Variants in TENM3 observed in about 807,000 individuals in gnomAD.
The protein encoded by TENM3 is teneurin transmembrane protein 3, also known as teneurin-3.
Under a neutral mutation model 255.1 loss-of-function variants are expected in TENM3, and 63 were observed. The observed-to-expected ratio is 0.25, with a 90% confidence interval of 0.20 to 0.30. TENM3 has a LOEUF of 0.30. Ranked by LOEUF, TENM3 falls within the 10% of genes least tolerant of loss-of-function variation. TENM3 has a pLI of 1.00. For missense variants in TENM3, 2,929 were observed against 3,461.1 expected, an observed-to-expected ratio of 0.85 and a Z score of 3.86; for synonymous variants, 1,306 against 1,322.3, an observed-to-expected ratio of 0.99 and a Z score of 0.27.
intron 3 of TENM3, among the ~76,000 whole-genome samples, chr4:182,463,472 CTT>C (rs920859225): frequency 6.9e-6 from 1 of 145,512 alleles, no homozygotes; most frequent in Non-Finnish European, 1.5e-5. Flanking sequence ...TGTAGTATCA[CTT>C]TTTTTTTTTT....
chr4:181,494,873 G>C, the TENM3 span, among the ~76,000 whole-genome samples: 44 of 152,040 alleles, frequency 2.9e-4, no homozygotes, highest in African/African-American at 1.0e-3. Context: ...AAGATGTCGT[G>C]AATACTTCAT....
At chr4:182,296,197 A>T (rs143688320) in intron 1 of TENM3, among the ~76,000 whole-genome samples, 3,251 of 152,264 alleles carry the variant, frequency 0.021, 70 homozygotes, top group Admixed American at 0.064. Flanking sequence ...TCCCGACCTC[A>T]GATGATTCGC....
chr4:181,656,513 A>G, the TENM3 span, among the ~76,000 whole-genome samples: 5 of 152,200 alleles, frequency 3.3e-5, no homozygotes, highest in Non-Finnish European at 7.3e-5. Flanking sequence ...TGACATTCAG[A>G]ACACAGGAGA....
At chr4:181,695,925 C>T in the TENM3 span, among the ~76,000 whole-genome samples, 1 of 144,784 alleles carries the variant, frequency 6.9e-6, no homozygotes, top group African/African-American at 2.5e-5. Context: ...AGAGGAAAGA[C>T]TTTTTTTTTT....
At chr4:181,801,968 T>C in the TENM3 span, among the ~76,000 whole-genome samples, 1 of 152,152 alleles carries the variant, frequency 6.6e-6, no homozygotes, top group Non-Finnish European at 1.5e-5. Context: ...AGATTTTTTT[T>C]AAAATGTACC....
intron 3 of TENM3, among the ~76,000 whole-genome samples, chr4:182,474,449 T>TCTTA (rs918581609): frequency 6.6e-6 from 1 of 152,144 alleles, no homozygotes; most frequent in Non-Finnish European, 1.5e-5. Context: ...AGAAACTGTC[T>TCTTA]CTTATATTTT....
At chr4:181,723,748 A>C in the TENM3 span, among the ~76,000 whole-genome samples, 1 of 152,104 alleles carries the variant, frequency 6.6e-6, no homozygotes, top group African/African-American at 2.4e-5. Flanking sequence ...TGGGCAGAGA[A>C]CTAAGTGGAT....
At chr4:182,118,584 C>T in the TENM3 span, among the ~76,000 whole-genome samples, 4 of 124,328 alleles carry the variant, frequency 3.2e-5, no homozygotes, top group Non-Finnish European at 6.9e-5. Context: ...TGTGCCAGCT[C>T]CCCCCTCCAC....
the TENM3 span, among the ~76,000 whole-genome samples, chr4:181,523,623 C>A: frequency 6.6e-6 from 1 of 152,130 alleles, no homozygotes; most frequent in Non-Finnish European, 1.5e-5. Context: ...ACTTCTGGAA[C>A]TTGATTTACC....
intron 6 of TENM3, among the ~76,000 whole-genome samples, chr4:182,659,909 G>A (rs550475908): frequency 1.4e-4 from 21 of 152,120 alleles, no homozygotes; most frequent in Non-Finnish European, 2.9e-4. Context: ...GTAGAGTTAC[G>A]AGCCTCACCA....
chr4:181,515,909 A>G, the TENM3 span, among the ~76,000 whole-genome samples: 1 of 152,208 alleles, frequency 6.6e-6, no homozygotes, highest in Non-Finnish European at 1.5e-5. Context: ...TGTTCACTGC[A>G]GCACTCTTCA....
the TENM3 span, among the ~76,000 whole-genome samples, chr4:181,875,671 G>A: frequency 6.6e-6 from 1 of 152,116 alleles, no homozygotes; most frequent in African/African-American, 2.4e-5. Flanking sequence ...GGAATTTCCT[G>A]CATGGACTCT....
chr4:182,356,882 A>C (rs28684917), intron 3 of TENM3, among the ~76,000 whole-genome samples: 8,272 of 87,270 alleles, frequency 0.095, 755 homozygotes, highest in African/African-American at 0.27. Flanking sequence ...CCCACCCCAC[A>C]ACAGTCCCCA....
the TENM3 span, among the ~76,000 whole-genome samples, chr4:181,914,457 C>T: frequency 6.6e-6 from 1 of 152,258 alleles, no homozygotes; most frequent in African/African-American, 2.4e-5. Flanking sequence ...ATCATGTTAA[C>T]TAAATAATGA....
intron 3 of TENM3, among the ~76,000 whole-genome samples, chr4:182,587,131 C>G (rs1746102398): frequency 6.6e-6 from 1 of 152,040 alleles, no homozygotes; most frequent in South Asian, 2.1e-4. Context: ...CACTCTGTTG[C>G]CCAGGCTGAA....
At chr4:182,110,185 T>A in the TENM3 span, among the ~76,000 whole-genome samples, 1 of 151,888 alleles carries the variant, frequency 6.6e-6, no homozygotes, top group African/African-American at 2.4e-5. Context: ...GACACAGCCA[T>A]GCATGCTCAT....
chr4:182,421,639 A>G (rs1360160967), intron 3 of TENM3, among the ~76,000 whole-genome samples: 1 of 152,244 alleles, frequency 6.6e-6, no homozygotes, highest in East Asian at 1.9e-4. Flanking sequence ...AGGGAGAATC[A>G]AAGAAAACTC....
intron 1 of TENM3, among the ~76,000 whole-genome samples, chr4:182,182,374 A>T (rs1171529372): frequency 2.0e-5 from 3 of 152,136 alleles, no homozygotes; most frequent in Admixed American, 6.6e-5. Context: ...TTTGTCATGT[A>T]TGAAGGGAAG....
At chr4:182,185,313 C>G (rs1354430028) in intron 1 of TENM3, among the ~76,000 whole-genome samples, 1 of 152,138 alleles carries the variant, frequency 6.6e-6, no homozygotes, top group Non-Finnish European at 1.5e-5. Context: ...TTGAAGGCAC[C>G]ATAGCATAAA....
Sources: gnomAD v4.1 joint callset for allele counts (sites outside exome capture counted in the v4.1 genomes callset) on GRCh38, gnomAD v4.1.1 for gene constraint, MANE v1.5 for transcripts, NCBI Gene and HGNC (gene_info 2026-07-23, HGNC 2026-07-21) for gene names.